RFX2: variants seen among roughly 807,000 people sequenced by gnomAD.
RFX2 encodes DNA-binding protein RFX2.
Under a neutral mutation model 87.8 loss-of-function variants are expected in RFX2, and 20 were observed. The observed-to-expected ratio is 0.23, with a 90% CI of 0.16 to 0.33. The LOEUF (loss-of-function observed/expected upper bound fraction) is 0.33, where lower values mean the gene tolerates loss of function less well. Among genes scored for constraint, RFX2 ranks in the 10% least tolerant of loss-of-function variants. The probability of loss-of-function intolerance (pLI) is 1.00; values close to 1 mark genes in which losing one functional copy is unlikely to be tolerated. For missense variants in RFX2, 767 were observed against 1,012.3 expected (o/e 0.76, Z 3.29); for synonymous variants, 397 against 431.3 (o/e 0.92, Z 0.98).
rs188060087 is a variant in RFX2, at chr19:6,050,930, G to A, written c.-8-3426C>T. 4.9e-3 allele frequency among the ~76,000 whole-genome samples: 751 copies of A among 152,190 alleles called. 5 individuals carry two copies. Among genetic ancestry groups the A allele is most frequent in the Non-Finnish European group, 6.8e-3 (465 of 68,012 alleles). ...CTACATATTATATTCGGAGAACAAG[G>A]GCACAGATGATGACTGGCTTCTCAT... On this transcript the variant is annotated intron_variant, in intron 1 of 17. Transcript: ENST00000303657. This position sits in a 1 kb window ranked among gnomAD's most constrained non-coding sequence, Gnocchi z 4.6.
intron 1 of RFX2, among the ~76,000 whole-genome samples, chr19:6,098,965 C>CAAAAAAAAAAAAAAA (rs34110529): frequency 5.7e-5 from 3 of 52,798 alleles, no homozygotes; most frequent in African/African-American, 1.6e-4. Flanking sequence ...GCTTGAACCA[C>CAAAAAAAAAAAAAAA]AAAAAAAAAA....
intron 1 of RFX2, among the ~76,000 whole-genome samples, chr19:6,070,510 G>T (rs572545714): frequency 8.6e-5 from 13 of 151,990 alleles, no homozygotes; most frequent in Non-Finnish European, 1.8e-4. Flanking sequence ...GAAGCCACAC[G>T]ATAGGGCCTG....
rs184334867 is a variant in RFX2, at chr19:6,004,169, G to A, written c.1500+32C>T. 3.3e-5 allele frequency: 51 copies of A among 1,544,846 alleles called. No homozygotes were observed. Among genetic ancestry groups the A allele is most frequent in the East Asian group, 9.0e-5 (4 of 44,538 alleles). On this transcript the variant is annotated intron_variant, in intron 13 of 17. Coordinates refer to ENST00000303657, the MANE Select transcript of RFX2 (RefSeq NM_000635.4). This position sits in a 1 kb window ranked among gnomAD's most constrained non-coding sequence, Gnocchi z 4.8. Reference sequence around the variant, plus strand: ...TGGACTGGAGCCCCTCCCAGCCATCGTTGGGGAGCCCAGGCCCCACCCCGG... The same window carrying A: ...TGGACTGGAGCCCCTCCCAGCCATCATTGGGGAGCCCAGGCCCCACCCCGG...
At position 6,016,098 on chromosome 19, in the gene RFX2, C is replaced by T. The variant is rs145496652; in HGVS notation, c.771G>A (p.Leu257=). The T allele has an allele frequency of 2.8e-5, 45 of 1,599,818 alleles. No individual in the cohort carries two copies. In the African/African-American group the frequency reaches 5.5e-4, roughly 20 times the overall value. Residue 257 remains leucine (L), a synonymous_variant, in exon 7 of 18, where the codon CTG becomes CTA. Transcript: ENST00000303657. The surrounding 1 kb of genome is among the most constrained non-coding windows in gnomAD (Gnocchi z 5.4). ...SVFMGLRTRR[L]GTRGNSKYHY... is the part of the protein sequence containing the mutation. Reference sequence around the variant, plus strand: ...GGGGATCGTCTACCCACCTGGTGCCCAGCCGCCGCGTTCTCAGCCCCATAA... The same window carrying T: ...GGGGATCGTCTACCCACCTGGTGCCTAGCCGCCGCGTTCTCAGCCCCATAA...
At position 6,037,894 on chromosome 19, in the gene RFX2, A is replaced by T. The variant is rs77407771; in HGVS notation, c.522+2086T>A. On this transcript the variant is annotated intron_variant, in intron 5 of 17. Coordinates refer to ENST00000303657, the MANE Select transcript of RFX2 (RefSeq NM_000635.4). ...GATTTTTGACAAAGGTGTTAAAGCA[A>T]TCCAATGGAGAAAGGGTAGTCTTTT... Among the ~76,000 whole-genome samples, 1,042 of 152,320 alleles carry T rather than the reference A, an allele frequency of 6.8e-3. 19 individuals carry two copies. Among genetic ancestry groups the T allele is most frequent in the African/African-American group, 0.024 (983 of 41,562 alleles).
At chr19:6,043,142 A>G (rs2087135328) in intron 3 of RFX2, among the ~76,000 whole-genome samples, 1 of 152,192 alleles carries the variant, frequency 6.6e-6, no homozygotes, top group South Asian at 2.1e-4. Context: ...CTGGGGTCCA[A>G]GTGAAATGCA....
intron 1 of RFX2, among the ~76,000 whole-genome samples, chr19:6,102,630 T>G (rs2088144937): frequency 6.6e-6 from 1 of 152,226 alleles, no homozygotes; most frequent in Non-Finnish European, 1.5e-5. Context: ...GCCACACAAC[T>G]GCAGGACCTT....
At position 5,999,487 on chromosome 19, in the gene RFX2, G is replaced by A. The variant is rs1221368901; in HGVS notation, c.1860-2274C>T. On this transcript the variant is annotated intron_variant, in intron 15 of 17. Transcript: ENST00000303657. This position sits in a 1 kb window ranked among gnomAD's most constrained non-coding sequence, Gnocchi z 4.1. ...GCATCCCTACGCTGTCTCTTCCCTTGCTCTTCCTCCCTCATTATCCCAGTG... is the reference window on the plus strand; with the variant it reads ...GCATCCCTACGCTGTCTCTTCCCTTACTCTTCCTCCCTCATTATCCCAGTG... Among the ~76,000 whole-genome samples, 1 of 152,030 alleles carries A rather than the reference G, an allele frequency of 6.6e-6. No individual in the cohort carries two copies. Among genetic ancestry groups the A allele is most frequent in the Non-Finnish European group, 1.5e-5 (1 of 68,004 alleles).
rs551215624 is a variant in RFX2, at chr19:6,046,156, T to G, written c.90+1251A>C. On this transcript the variant is annotated intron_variant, in intron 2 of 17. Transcript: ENST00000303657. ...TCGCTTTGTATTTCTGTCTTCTTTA[T>G]GGCTTATTTCATTCCACGGTAGAAA... is the stretch of plus-strand genomic sequence containing the variant. Among the ~76,000 whole-genome samples the G allele has an allele frequency of 2.6e-5, 4 of 152,380 alleles. No individual in the cohort carries two copies. The South Asian group carries it at 8.3e-4, about 32-fold the overall frequency.
intron 5 of RFX2, among the ~76,000 whole-genome samples, chr19:6,033,588 T>A (rs2086977703): frequency 7.8e-6 from 1 of 127,502 alleles, no homozygotes. Flanking sequence ...CTTGTAAGTG[T>A]GAACCTGGGT....
rs114478046 is a variant in RFX2, at chr19:6,083,530, G to T, written c.-9+26863C>A. ...AATAAAAACCCACAGTAGTGTGCTA[G>T]ATGTAGTCTGCTGACCCGTTTTTTT... On this transcript the variant is annotated intron_variant, in intron 1 of 17. Coordinates refer to ENST00000303657, the MANE Select transcript of RFX2 (RefSeq NM_000635.4). The surrounding 1 kb of genome is among the most constrained non-coding windows in gnomAD (Gnocchi z 4.6). 0.027 allele frequency among the ~76,000 whole-genome samples: 3,960 copies of T among 148,934 alleles called. 186 individuals are homozygous for T. Among genetic ancestry groups the T allele is most frequent in the African/African-American group, 0.093 (3,753 of 40,436 alleles).
intron 1 of RFX2, among the ~76,000 whole-genome samples, chr19:6,071,689 C>A (rs1177715635): frequency 2.0e-5 from 3 of 152,120 alleles, no homozygotes; most frequent in African/African-American, 4.8e-5. Flanking sequence ...TTTTGTTAAA[C>A]TCATTATTAG....
intron 1 of RFX2, among the ~76,000 whole-genome samples, chr19:6,100,570 G>C (rs1568197473): frequency 6.6e-6 from 1 of 152,152 alleles, no homozygotes; most frequent in Non-Finnish European, 1.5e-5. Flanking sequence ...CAAGACTCCA[G>C]AGGCCACTGG....
In RFX2 at chr19:6,004,280, A is replaced by G. The variant is rs769861701; in HGVS notation, c.1421T>C (p.Ile474Thr). 85 of 1,614,066 alleles carry G rather than the reference A, an allele frequency of 5.3e-5. No homozygotes were observed. The Middle Eastern group carries it at 6.6e-4, about 13-fold the overall frequency. The change falls in exon 13 of 18, where the codon ATC becomes ACC. Residue 474 changes from isoleucine to threonine, a missense_variant. Coordinates refer to ENST00000303657, the MANE Select transcript of RFX2 (RefSeq NM_000635.4). This position sits in a 1 kb window ranked among gnomAD's most constrained non-coding sequence, Gnocchi z 4.8. ...TTCCAAGCTCTTGGCAAAGTTACGG[A>G]TGGCCTGTGTCAAGGTACCTGGGGG... is the stretch of plus-strand genomic sequence containing the variant. Reference protein sequence around the residue: ...RPVPSTLTQAIRNFAKSLEGW... With the variant: ...RPVPSTLTQATRNFAKSLEGW...
intron 2 of RFX2, among the ~76,000 whole-genome samples, chr19:6,046,563 CAAAA>C (rs553142802): frequency 1.7e-5 from 2 of 117,080 alleles, no homozygotes; most frequent in Non-Finnish European, 1.9e-5. Flanking sequence ...CGTCCCCCCC[CAAAA>C]AAAAAAAAAA....
rs1407301739 is a variant in RFX2, at chr19:6,045,508, C to A, written c.91-1226G>T. On this transcript the variant is annotated intron_variant, in intron 2 of 17. Transcript: ENST00000303657. This position sits in a 1 kb window ranked among gnomAD's most constrained non-coding sequence, Gnocchi z 5.2. ...AATTAGGCCACAACTGCTGGCAGGG[C>A]GACGGCGTCTGATCCTCACCTCAGA... 6.6e-6 allele frequency among the ~76,000 whole-genome samples: 1 copy of A among 152,154 alleles called. No homozygotes were observed. Among genetic ancestry groups the A allele is most frequent in the East Asian group, 1.9e-4 (1 of 5,186 alleles).
intron 1 of RFX2, among the ~76,000 whole-genome samples, chr19:6,093,803 G>A (rs531325186): frequency 6.6e-6 from 1 of 152,136 alleles, no homozygotes; most frequent in South Asian, 2.1e-4. Context: ...CAAGGTGGAT[G>A]AACCTTGAGA....
At chr19:6,100,222 G>A (rs538599544) in intron 1 of RFX2, among the ~76,000 whole-genome samples, 1 of 152,280 alleles carries the variant, frequency 6.6e-6, no homozygotes, top group Non-Finnish European at 1.5e-5. Flanking sequence ...GTAGTGAAAG[G>A]GAGGCAACGA....
intron 6 of RFX2, among the ~76,000 whole-genome samples, chr19:6,025,455 C>A (rs1381420330): frequency 6.6e-6 from 1 of 152,198 alleles, no homozygotes; most frequent in Non-Finnish European, 1.5e-5. Context: ...AGCTAAGAGT[C>A]TAAGGCATTC....
Sources: allele counts gnomAD v4.1 joint callset (sites outside exome capture counted in the v4.1 genomes callset), GRCh38; gene constraint gnomAD v4.1.1; non-coding constraint Gnocchi (gnomAD v3.1); transcripts MANE v1.5; gene names NCBI Gene and HGNC (gene_info 2026-07-23, HGNC 2026-07-21).